The following PRKCE variants were observed in gnomAD, a reference collection of about 807,000 sequenced individuals.
PRKCE encodes the protein protein kinase C epsilon, also known as protein kinase C epsilon type.
A neutral mutation model predicts 85.4 loss-of-function variants in PRKCE; 16 were observed. The observed-to-expected ratio is 0.19, with a 90% confidence interval of 0.13 to 0.28. The LOEUF is 0.28. Ranked by LOEUF, PRKCE falls within the 10% of genes least tolerant of loss-of-function variation. PRKCE has a pLI of 1.00. For missense variants in PRKCE, 573 were observed against 975.2 expected (o/e 0.59, Z 5.49); for synonymous variants, 388 against 371.5 (o/e 1.04, Z -0.51).
At position 46,184,914 on chromosome 2, in the gene PRKCE, C is replaced by T; in HGVS notation, c.*33C>T. The T allele has an allele frequency of 6.3e-7, 1 of 1,598,702 alleles. No homozygotes were observed. Among genetic ancestry groups the T allele is most frequent in the Non-Finnish European group, 8.5e-7 (1 of 1,179,340 alleles). On this transcript the variant is annotated 3_prime_UTR_variant, in exon 15 of 15. Transcript: ENST00000306156. The surrounding 1 kb of genome is among the most constrained non-coding windows in gnomAD (Gnocchi z 5.0). The stretch of plus-strand genomic sequence containing the variant: ...CTGCAGTTGGACTTTGCCGATGCTG[C>T]AAGAAGGGGTGCAGAGAAGACTCCT...
At chr2:45,858,349 G>A (rs1183510301) in intron 2 of PRKCE, among the ~76,000 whole-genome samples, 1 of 151,422 alleles carries the variant, frequency 6.6e-6, no homozygotes, top group East Asian at 1.9e-4. Context: ...GCCTTCGTCA[G>A]CCTTCTTTGT....
intron 1 of PRKCE, among the ~76,000 whole-genome samples, chr2:45,741,401 G>A (rs180784245): frequency 2.6e-5 from 4 of 152,336 alleles, no homozygotes; most frequent in Admixed American, 2.6e-4. Flanking sequence ...GTCAGTTGTA[G>A]GCAGTAAGAC....
At chr2:46,047,690 G>T (rs1708610140) in intron 10 of PRKCE, among the ~76,000 whole-genome samples, 1 of 152,148 alleles carries the variant, frequency 6.6e-6, no homozygotes, top group Admixed American at 6.5e-5. Flanking sequence ...AATCAAAGTG[G>T]TTCCCATTTC....
Position 45,936,681 on chromosome 2 carries a change from C to T in PRKCE, c.413-39748C>T, listed in dbSNP as rs375994851. ...TGCAGCCCCTGCAGCCCTCTTTTTG[C>T]GTAATCTTTGATTTTTCTTGTTATT... On this transcript the variant is annotated intron_variant, in intron 2 of 14. Transcript: ENST00000306156. Among the ~76,000 whole-genome samples, 24 of 152,298 alleles carry T rather than the reference C, an allele frequency of 1.6e-4. No individual in the cohort carries two copies. The East Asian group carries it at 3.9e-3, about 24-fold the overall frequency.
rs148571482 is a variant in PRKCE at position 46,043,147 on chromosome 2, G to A, written c.1437+32630G>A. Among the ~76,000 whole-genome samples the A allele has an allele frequency of 2.6e-4, 39 of 151,108 alleles. No homozygotes were observed. In the East Asian group the frequency reaches 5.4e-3, roughly 21 times the overall value. On this transcript the variant is annotated intron_variant, in intron 10 of 14. Coordinates refer to ENST00000306156, the MANE Select transcript of PRKCE (RefSeq NM_005400.3). ...GTTCTGTAAATATGGGATTATTACC[G>A]ATCCTTGTGCCAAAGTCATGTTAAA...
intron 10 of PRKCE, among the ~76,000 whole-genome samples, chr2:46,082,914 A>C (rs987411178): frequency 6.6e-6 from 1 of 152,202 alleles, no homozygotes; most frequent in Non-Finnish European, 1.5e-5. Context: ...TTTAACCTTC[A>C]TGAGAATTCT....
intron 1 of PRKCE, among the ~76,000 whole-genome samples, chr2:45,756,961 G>C (rs560759745): frequency 6.6e-6 from 1 of 152,256 alleles, no homozygotes; most frequent in Non-Finnish European, 1.5e-5. Flanking sequence ...CTTATTTAAA[G>C]AGTGTTCAGC....
intron 11 of PRKCE, among the ~76,000 whole-genome samples, chr2:46,099,638 A>G (rs1451651295): frequency 6.6e-6 from 1 of 151,912 alleles, no homozygotes; most frequent in Non-Finnish European, 1.5e-5. Flanking sequence ...CTTATATTCT[A>G]GCACTTCTTA....
chr2:45,847,521 A>T (rs1691892008), intron 2 of PRKCE, among the ~76,000 whole-genome samples: 1 of 152,222 alleles, frequency 6.6e-6, no homozygotes, highest in South Asian at 2.1e-4. Flanking sequence ...CTGAAATAAT[A>T]ACATGTGTGT....
chr2:46,061,200 C>G (rs1297221094), intron 10 of PRKCE, among the ~76,000 whole-genome samples: 1 of 147,022 alleles, frequency 6.8e-6, no homozygotes, highest in Non-Finnish European at 1.5e-5. Flanking sequence ...GCCTCAAATG[C>G]CCAGGCTCAG....
At position 45,884,973 on chromosome 2, in the gene PRKCE, A is replaced by T. The variant is rs1373704528; in HGVS notation, c.412+41910A>T. Among the ~76,000 whole-genome samples the T allele has an allele frequency of 2.2e-3, 132 of 60,478 alleles. 6 individuals are homozygous for T. The highest frequency in any genetic ancestry group is 2.9e-3 in the South Asian group (2 of 684). 39.7% of individuals were successfully genotyped at this position (60,478 alleles called of 152,430 possible). A position where few individuals can be genotyped will look rare whatever the true frequency, so the allele number is the denominator to read the frequency against. The stretch of plus-strand genomic sequence containing the variant: ...GTGATCCATATATATATATATATAT[A>T]TATATATATATATATATATATATAT... On this transcript the variant is annotated intron_variant, in intron 2 of 14. Transcript: ENST00000306156.
intron 1 of PRKCE, among the ~76,000 whole-genome samples, chr2:45,721,685 T>C (rs1680632439): frequency 6.6e-6 from 1 of 152,104 alleles, no homozygotes; most frequent in Admixed American, 6.6e-5. Context: ...AGAGACCACC[T>C]GGGCAACAAG....
At chr2:46,044,181 A>T (rs1208374487) in intron 10 of PRKCE, among the ~76,000 whole-genome samples, 1 of 152,246 alleles carries the variant, frequency 6.6e-6, no homozygotes, top group Non-Finnish European at 1.5e-5. Context: ...TTACAAGAGA[A>T]GAGTAACTTG....
Position 45,713,292 on chromosome 2 carries a change from G to A in PRKCE, c.348+60844G>A, listed in dbSNP as rs539021108. The stretch of plus-strand genomic sequence containing the variant: ...CTGATCACCTTGCCAGATGGGAAGA[G>A]CCACAGGAGAGCATATGCCTGAGGG... On this transcript the variant is annotated intron_variant, in intron 1 of 14. Transcript: ENST00000306156. Among the ~76,000 whole-genome samples the A allele has an allele frequency of 5.3e-5, 8 of 152,336 alleles. No homozygotes were observed. The East Asian group carries it at 1.4e-3, about 26-fold the overall frequency.
At chr2:45,917,810 C>T (rs1050444527) in intron 2 of PRKCE, among the ~76,000 whole-genome samples, 1 of 152,226 alleles carries the variant, frequency 6.6e-6, no homozygotes, top group Non-Finnish European at 1.5e-5. Flanking sequence ...GTCCCGAGCC[C>T]TGCCCCGCGG....
intron 1 of PRKCE, among the ~76,000 whole-genome samples, chr2:45,753,298 A>C (rs1379860476): frequency 6.6e-6 from 1 of 152,202 alleles, no homozygotes; most frequent in Admixed American, 6.5e-5. Context: ...CGTTTCTAAC[A>C]AGTTCCCAGG....
chr2:46,082,947 A>G (rs1453693366), intron 10 of PRKCE, among the ~76,000 whole-genome samples: 2 of 152,122 alleles, frequency 1.3e-5, no homozygotes, highest in Non-Finnish European at 2.9e-5. Context: ...CTATTACTCA[A>G]TCATCCTGAT....
intron 1 of PRKCE, among the ~76,000 whole-genome samples, chr2:45,748,224 C>T (rs892092603): frequency 8.5e-5 from 13 of 152,190 alleles, no homozygotes; most frequent in South Asian, 4.1e-4. Flanking sequence ...TCATGCAAAG[C>T]GCACAACTAC....
intron 1 of PRKCE, among the ~76,000 whole-genome samples, chr2:45,781,166 T>A (rs1686154320): frequency 6.8e-6 from 1 of 147,648 alleles, no homozygotes; most frequent in Non-Finnish European, 1.5e-5. Flanking sequence ...GACCCCCCCA[T>A]CTCTACAAAA....
Sources: allele counts gnomAD v4.1 joint callset (sites outside exome capture counted in the v4.1 genomes callset), GRCh38; gene constraint gnomAD v4.1.1; non-coding constraint Gnocchi (gnomAD v3.1); transcripts MANE v1.5; gene names NCBI Gene and HGNC (gene_info 2026-07-23, HGNC 2026-07-21).